FBXW7: variants seen among roughly 807,000 people sequenced by gnomAD.
The protein encoded by FBXW7 is F-box/WD repeat-containing protein 7.
FBXW7 carries 11 observed loss-of-function variants against 86.3 expected under a neutral mutation model. The ratio of observed to expected loss-of-function variants is 0.13; its 90% CI spans 0.08 to 0.21. The LOEUF is 0.21. Among genes scored for constraint, FBXW7 ranks in the 10% least tolerant of loss-of-function variants. FBXW7 has a pLI of 1.00. For synonymous variants in FBXW7, 313 were observed against 297.9 expected (o/e 1.05, Z -0.52); for missense variants, 488 against 847.4 (o/e 0.58, Z 5.27).
rs1335319000 is a variant in FBXW7, at chr4:152,402,284, A to G, written c.501+9019T>C. Among the ~76,000 whole-genome samples, 3 of 152,360 alleles carry G rather than the reference A, an allele frequency of 2.0e-5. No individual in the cohort carries two copies. In the East Asian group the frequency reaches 5.8e-4, roughly 29 times the overall value. ...TTATACACTAATTCTTTGTTGACTA[A>G]TAATTAGGTTATCAGGGTACCTGAT... On this transcript the variant is annotated intron_variant, in intron 4 of 13. Coordinates refer to ENST00000281708, the MANE Select transcript of FBXW7 (RefSeq NM_001349798.2).
At chr4:152,333,137 G>A (rs1359602284) in intron 7 of FBXW7, among the ~76,000 whole-genome samples, 1 of 152,080 alleles carries the variant, frequency 6.6e-6, no homozygotes, top group African/African-American at 2.4e-5. Flanking sequence ...TATATATTCT[G>A]TGTGGTATGA....
intron 2 of FBXW7, among the ~76,000 whole-genome samples, chr4:152,429,970 T>C (rs1308436580): frequency 6.8e-6 from 1 of 146,462 alleles, no homozygotes; most frequent in Non-Finnish European, 1.6e-5. Context: ...TATGGCTTTG[T>C]TGTTGTTGTT....
At position 152,326,034 on chromosome 4, in the gene FBXW7, C is replaced by T. The variant is rs2126492364; in HGVS notation, c.1616G>A (p.Gly539Glu). 1 of 1,613,010 alleles carries T rather than the reference C, an allele frequency of 6.2e-7. No homozygotes were observed. The highest frequency in any genetic ancestry group is 8.5e-7 in the Non-Finnish European group (1 of 1,179,362). The part of the protein sequence containing the change: ...ETETCLHTLQ[G>E]HTNRVYSLQF... ...TAATGAATAGACTCTATTAGTATGC[C>T]CCTGCAACGTGTGTAGACAGGTTTC... The change falls in exon 12 of 14, where the codon GGG becomes GAG. Residue 539 changes from glycine (G) to glutamate (E), a missense_variant. Gly to Glu is a moderately conservative substitution (Grantham distance 98). Transcript: ENST00000281708.
chr4:152,344,682 A>C (rs1731087126), intron 6 of FBXW7, among the ~76,000 whole-genome samples: 1 of 152,188 alleles, frequency 6.6e-6, no homozygotes, highest in South Asian at 2.1e-4. Flanking sequence ...ACGGTGTACA[A>C]TGAACTCTCT....
chr4:152,395,178 T>C (rs764109737), intron 4 of FBXW7, among the ~76,000 whole-genome samples: 3 of 152,094 alleles, frequency 2.0e-5, no homozygotes, highest in South Asian at 2.1e-4. Flanking sequence ...TGAAAATCAG[T>C]TGAGAACTTA....
intron 4 of FBXW7, among the ~76,000 whole-genome samples, chr4:152,357,947 T>C (rs1284332190): frequency 6.6e-6 from 1 of 152,176 alleles, no homozygotes; most frequent in African/African-American, 2.4e-5. Flanking sequence ...AGACTAATAC[T>C]AAGTCAACAT....
chr4:152,527,863 TATACAC>T (rs1554003398), intron 2 of FBXW7, among the ~76,000 whole-genome samples: 2,314 of 103,954 alleles, frequency 0.022, 72 homozygotes, highest in African/African-American at 0.073. Flanking sequence ...TTAAAAATTA[TATACAC>T]ACACACACAC....
At chr4:152,466,283 C>T (rs1743429567) in intron 2 of FBXW7, among the ~76,000 whole-genome samples, 1 of 152,172 alleles carries the variant, frequency 6.6e-6, no homozygotes, top group Non-Finnish European at 1.5e-5. Flanking sequence ...TGGCTGGGCG[C>T]AGTGGCTCAA....
intron 2 of FBXW7, among the ~76,000 whole-genome samples, chr4:152,417,077 G>A (rs899260438): frequency 6.6e-6 from 1 of 152,008 alleles, no homozygotes; most frequent in South Asian, 2.1e-4. Context: ...TCCATCGCTA[G>A]CTCCTCCCTC....
chr4:152,478,533 AAGTTATCC>A (rs752927864), intron 2 of FBXW7, among the ~76,000 whole-genome samples: 3 of 152,094 alleles, frequency 2.0e-5, no homozygotes, highest in African/African-American at 2.4e-5. Flanking sequence ...ACTGCTGTAT[AAGTTATCC>A]AGTTTGTGTC....
At chr4:152,527,532 C>G (rs1481613502) in intron 2 of FBXW7, among the ~76,000 whole-genome samples, 1 of 152,154 alleles carries the variant, frequency 6.6e-6, no homozygotes, top group Non-Finnish European at 1.5e-5. Flanking sequence ...CTTTGGGAGG[C>G]CATTTCAGGA....
chr4:152,507,081 T>C (rs560076238), intron 2 of FBXW7, among the ~76,000 whole-genome samples: 1 of 152,214 alleles, frequency 6.6e-6, no homozygotes, highest in Non-Finnish European at 1.5e-5. Flanking sequence ...AAATTTGAAG[T>C]TGTCTATTTA....
intron 7 of FBXW7, among the ~76,000 whole-genome samples, chr4:152,335,455 G>A (rs1340537538): frequency 6.6e-6 from 1 of 152,152 alleles, no homozygotes; most frequent in East Asian, 1.9e-4. Flanking sequence ...GCAACAGAGT[G>A]AGACTCTTGT....
At chr4:152,496,216 T>G (rs115881715) in intron 2 of FBXW7, among the ~76,000 whole-genome samples, 1 of 152,206 alleles carries the variant, frequency 6.6e-6, no homozygotes, top group East Asian at 1.9e-4. Context: ...TTCAGCAAGA[T>G]TGAGAGATAC....
chr4:152,462,279 C>T (rs1465421899), intron 2 of FBXW7, among the ~76,000 whole-genome samples: 2 of 152,222 alleles, frequency 1.3e-5, no homozygotes, highest in Admixed American at 1.3e-4. Context: ...TCTGATACCT[C>T]AAGCCAGCTG....
intron 2 of FBXW7, among the ~76,000 whole-genome samples, chr4:152,466,717 C>T (rs574717822): frequency 1.0e-3 from 154 of 152,146 alleles, no homozygotes; most frequent in Non-Finnish European, 1.8e-3. Context: ...CCGAGGTGGG[C>T]GGATCACGAG....
At chr4:152,466,878 C>T (rs886480586) in intron 2 of FBXW7, among the ~76,000 whole-genome samples, 5 of 152,072 alleles carry the variant, frequency 3.3e-5, no homozygotes, top group African/African-American at 7.2e-5. Flanking sequence ...GGAGGCAGAG[C>T]TGGCAGTGAG....
chr4:152,524,864 C>A (rs1390962279), intron 2 of FBXW7, among the ~76,000 whole-genome samples: 1 of 152,172 alleles, frequency 6.6e-6, no homozygotes, highest in East Asian at 1.9e-4. Flanking sequence ...TAGAAAAAGG[C>A]TTCCCCACTC....
chr4:152,378,156 C>T (rs1483184770), intron 4 of FBXW7, among the ~76,000 whole-genome samples: 2 of 152,226 alleles, frequency 1.3e-5, no homozygotes, highest in South Asian at 2.1e-4. Flanking sequence ...AGCATGTGGA[C>T]TCCTGATTTA....
Sources: gnomAD v4.1 joint callset for allele counts (sites outside exome capture counted in the v4.1 genomes callset) on GRCh38, gnomAD v4.1.1 for gene constraint, MANE v1.5 for transcripts, NCBI Gene and HGNC (gene_info 2026-07-23, HGNC 2026-07-21) for gene names.